Variants in KLHL32 observed in about 807,000 individuals in gnomAD.
KLHL32 encodes kelch like family member 32.
In KLHL32, 35 loss-of-function variants were observed where a neutral mutation model predicts 64.8. The observed-to-expected ratio is 0.54, with a 90% CI of 0.41 to 0.72. KLHL32 has a LOEUF of 0.72. Ranked by LOEUF, KLHL32 falls within the 30% of genes least tolerant of loss-of-function variation. KLHL32 has a pLI of 0.00. For synonymous variants in KLHL32, 259 were observed against 281.0 expected (o/e 0.92, Z 0.78); for missense variants, 589 against 768.5 (o/e 0.77, Z 2.76).
intron 10 of KLHL32, among the ~76,000 whole-genome samples, chr6:97,135,056 G>A (rs1799841687): frequency 1.3e-5 from 2 of 152,168 alleles, no homozygotes; most frequent in African/African-American, 4.8e-5. Context: ...TCAGGATTAT[G>A]GTGATTATCA....
intron 3 of KLHL32, among the ~76,000 whole-genome samples, chr6:97,030,559 G>A (rs1163830507): frequency 2.0e-5 from 3 of 152,190 alleles, no homozygotes; most frequent in African/African-American, 7.2e-5. Flanking sequence ...CAGCCTGGCC[G>A]AGGCTCTCCC....
rs184755087 is a variant in KLHL32 at position 96,985,889 on chromosome 6, C to T, written c.204+9712C>T. ...GTCTCAACTCGTCAAAGTCATTCTC[C>T]GTCCAGCTTTGTTCCATTGCTGGTG... On this transcript the variant is annotated intron_variant, in intron 3 of 10. Transcript: ENST00000369261. Among the ~76,000 whole-genome samples, 336 of 152,300 alleles carry T rather than the reference C, an allele frequency of 2.2e-3. 2 individuals carry two copies. The highest frequency in any genetic ancestry group is 7.6e-3 in the African/African-American group (314 of 41,572).
At chr6:97,068,463 G>C (rs144271389) in intron 5 of KLHL32, among the ~76,000 whole-genome samples, 1,809 of 152,054 alleles carry the variant, frequency 0.012, 23 homozygotes, top group Middle Eastern at 0.021. Flanking sequence ...GCAAAAATCA[G>C]AAAAAATAAT....
chr6:96,950,485 T>C (rs1772439961), intron 1 of KLHL32, among the ~76,000 whole-genome samples: 1 of 148,516 alleles, frequency 6.7e-6, no homozygotes, highest in Non-Finnish European at 1.5e-5. Context: ...TGATAGCTTT[T>C]ATCAGTTGTC....
Position 97,049,345 on chromosome 6 carries a change from A to G in KLHL32, c.312+7746A>G, listed in dbSNP as rs879027069. ...CTGCCACAGTGGTCTGATAACCCAG[A>G]GGGCTACTAGGTTACTAACAGGCAG... On this transcript the variant is annotated intron_variant, in intron 4 of 10. Transcript: ENST00000369261. Among the ~76,000 whole-genome samples, 10 of 152,220 alleles carry G rather than the reference A, an allele frequency of 6.6e-5. 1 individual carries two copies. Among genetic ancestry groups the G allele is most frequent in the Admixed American group, 6.5e-4 (10 of 15,280 alleles).
chr6:96,900,838 G>T, the KLHL32 span, among the ~76,000 whole-genome samples: 1 of 152,328 alleles, frequency 6.6e-6, no homozygotes, highest in African/African-American at 2.4e-5. Context: ...TATTCTGGCA[G>T]AGGTTCTGGT....
At chr6:97,106,925 C>T (rs1796487328) in intron 6 of KLHL32, among the ~76,000 whole-genome samples, 1 of 152,246 alleles carries the variant, frequency 6.6e-6, no homozygotes, top group Non-Finnish European at 1.5e-5. Context: ...CTGAAAAATA[C>T]TACCAACCTA....
chr6:97,127,496 A>AG, intron 8 of KLHL32, 34 bp downstream of exon 8: 1 of 1,519,960 alleles, frequency 6.6e-7, no homozygotes, highest in Non-Finnish European at 9.1e-7. Context: ...CATTATCTTA[A>AG]TTAATGAATT....
At chr6:97,073,020 A>C (rs1790998153) in intron 5 of KLHL32, among the ~76,000 whole-genome samples, 1 of 152,232 alleles carries the variant, frequency 6.6e-6, no homozygotes, top group Non-Finnish European at 1.5e-5. Flanking sequence ...GAGATAGTGC[A>C]TGCAAAGTAT....
chr6:96,916,318 C>G, the KLHL32 span, among the ~76,000 whole-genome samples: 49 of 152,078 alleles, frequency 3.2e-4, 1 homozygote, highest in Admixed American at 3.2e-3. Context: ...TCTTGTCTAC[C>G]TATTAAGTTA....
intron 1 of KLHL32, among the ~76,000 whole-genome samples, chr6:96,943,034 T>C (rs1202966500): frequency 9.7e-6 from 1 of 103,408 alleles, no homozygotes; most frequent in Non-Finnish European, 2.1e-5. Context: ...TCATGCTCCC[T>C]CTACACACAC....
intron 4 of KLHL32, among the ~76,000 whole-genome samples, chr6:97,054,937 T>TA (rs1012629834): frequency 6.6e-6 from 1 of 151,876 alleles, no homozygotes; most frequent in Non-Finnish European, 1.5e-5. Flanking sequence ...AGATCCTGTC[T>TA]AAAAAAAATA....
intron 5 of KLHL32, among the ~76,000 whole-genome samples, chr6:97,071,445 A>G (rs755432824): frequency 2.0e-5 from 3 of 152,128 alleles, no homozygotes; most frequent in Non-Finnish European, 4.4e-5. Flanking sequence ...CCCTCAAAGC[A>G]TGGGAGCTCT....
chr6:97,044,526 A>C (rs569732698), intron 4 of KLHL32, among the ~76,000 whole-genome samples: 1 of 152,260 alleles, frequency 6.6e-6, no homozygotes, highest in Admixed American at 6.5e-5. Context: ...TCATAAAATG[A>C]ATTTGAAAGT....
chr6:96,914,766 C>T, the KLHL32 span: 3 of 152,116 alleles, frequency 2.0e-5, no homozygotes, highest in Admixed American at 2.0e-4. Flanking sequence ...AATCCCACAA[C>T]TGATCATCAT....
chr6:97,132,316 A>G (rs952136187), intron 9 of KLHL32, among the ~76,000 whole-genome samples: 2 of 152,204 alleles, frequency 1.3e-5, no homozygotes, highest in Non-Finnish European at 2.9e-5. Flanking sequence ...TTGCATTTCT[A>G]TAATATACCT....
chr6:97,095,156 C>T (rs1166305376), intron 6 of KLHL32, among the ~76,000 whole-genome samples: 1 of 152,092 alleles, frequency 6.6e-6, no homozygotes, highest in Non-Finnish European at 1.5e-5. Context: ...TAAAACTAAA[C>T]CTCTCCATCC....
chr6:97,037,967 T>C (rs1193218925), intron 3 of KLHL32, among the ~76,000 whole-genome samples: 2 of 152,166 alleles, frequency 1.3e-5, no homozygotes, highest in African/African-American at 2.4e-5. Flanking sequence ...TGCATAACTA[T>C]ATGCAGAAGA....
intron 3 of KLHL32, among the ~76,000 whole-genome samples, chr6:97,029,590 A>C (rs889408180): frequency 6.6e-6 from 1 of 152,308 alleles, no homozygotes; most frequent in East Asian, 1.9e-4. Flanking sequence ...CCACCAACCA[A>C]ACATCCTCAC....
Sources: allele counts gnomAD v4.1 joint callset (sites outside exome capture counted in the v4.1 genomes callset), GRCh38; gene constraint gnomAD v4.1.1; transcripts MANE v1.5; gene names NCBI Gene and HGNC (gene_info 2026-07-23, HGNC 2026-07-21).